GDPD4: variants seen among roughly 807,000 people sequenced by gnomAD.
GDPD4 encodes the protein glycerophosphodiester phosphodiesterase domain containing 4, also known as glycerophosphodiester phosphodiesterase 6.
Under a neutral mutation model 67.8 loss-of-function variants are expected in GDPD4, and 60 were observed. That is an observed-to-expected ratio of 0.88 (90% CI 0.72 to 1.10). GDPD4 has a LOEUF of 1.10. GDPD4 is among the 50% of genes least tolerant of loss of function. The probability of loss-of-function intolerance (pLI) is 0.00; values close to 1 mark genes in which losing one functional copy is unlikely to be tolerated. For missense variants in GDPD4, 623 were observed against 613.9 expected, an observed-to-expected ratio of 1.01 and a Z score of -0.16; for synonymous variants, 212 against 210.9, an observed-to-expected ratio of 1.00 and a Z score of -0.04.
chr11:77,224,818 T>A (rs768050898), intron 16 of GDPD4, among the ~76,000 whole-genome samples: 4 of 152,052 alleles, frequency 2.6e-5, no homozygotes, highest in Non-Finnish European at 5.9e-5. Flanking sequence ...AAAACTAATA[T>A]AGGCTGGGCA....
chr11:77,298,756 C>T (rs993254207), intron 1 of GDPD4, among the ~76,000 whole-genome samples: 1 of 151,944 alleles, frequency 6.6e-6, no homozygotes, highest in Non-Finnish European at 1.5e-5. Context: ...ACAGATGCCA[C>T]GCCCCCACCC....
intron 13 of GDPD4, among the ~76,000 whole-genome samples, chr11:77,235,124 T>C (rs1202417125): frequency 6.7e-6 from 1 of 149,050 alleles, no homozygotes; most frequent in Non-Finnish European, 1.5e-5. Flanking sequence ...TTAGTGATGC[T>C]GAGGATGTTT....
At chr11:77,265,736 A>G (rs1396906409) in intron 10 of GDPD4, among the ~76,000 whole-genome samples, 5 of 152,170 alleles carry the variant, frequency 3.3e-5, no homozygotes, top group African/African-American at 9.6e-5. Flanking sequence ...ATGTGCAGAC[A>G]TATCACCACC....
chr11:77,237,668 C>T (rs538538916), intron 13 of GDPD4, among the ~76,000 whole-genome samples: 6 of 152,282 alleles, frequency 3.9e-5, no homozygotes, highest in South Asian at 2.1e-4. Flanking sequence ...AGAAAATCCT[C>T]AAATGTTTAA....
Position 77,216,838 on chromosome 11 carries a change from T to C in GDPD4, c.*439A>G. 1 of 621,878 alleles carries C rather than the reference T, an allele frequency of 1.6e-6. No individual in the cohort carries two copies. The highest frequency in any genetic ancestry group is 2.9e-6 in the Non-Finnish European group (1 of 348,434). The allele number at this position is 621,878 out of a possible 1,614,324, so 38.5% of individuals were successfully genotyped here. A position where few individuals can be genotyped will look rare whatever the true frequency, so the allele number is the denominator to read the frequency against. On this transcript the variant is annotated 3_prime_UTR_variant, in exon 17 of 17. Coordinates refer to ENST00000315938, the MANE Select transcript of GDPD4 (RefSeq NM_182833.3). Reference sequence around the variant, plus strand: ...GCAGGGGAGATGTGGCTAATTCTTCTTTGGAAACACAGAAGGCTATGTCAG... The same window carrying C: ...GCAGGGGAGATGTGGCTAATTCTTCCTTGGAAACACAGAAGGCTATGTCAG...
At chr11:77,295,154 G>C (rs576186665) in intron 1 of GDPD4, among the ~76,000 whole-genome samples, 1 of 150,998 alleles carries the variant, frequency 6.6e-6, no homozygotes, top group Admixed American at 6.6e-5. Flanking sequence ...TGTTGTTTTT[G>C]TTTTTGTATT....
At chr11:77,236,572 G>T (rs921702423) in intron 13 of GDPD4, among the ~76,000 whole-genome samples, 4 of 152,102 alleles carry the variant, frequency 2.6e-5, no homozygotes, top group African/African-American at 9.7e-5. Flanking sequence ...TTATAAGGCG[G>T]CCAGTGTGGC....
chr11:77,273,787 A>C (rs1959326570), intron 5 of GDPD4, among the ~76,000 whole-genome samples: 2 of 152,216 alleles, frequency 1.3e-5, no homozygotes, highest in Non-Finnish European at 2.9e-5. Context: ...ATAATAAAAG[A>C]TTTATTAAGA....
Position 77,257,307 on chromosome 11 carries a change from G to A in GDPD4, c.864+1079C>T, listed in dbSNP as rs61018348. Among the ~76,000 whole-genome samples the A allele has an allele frequency of 2.1e-4, 32 of 152,226 alleles. No homozygotes were observed. In the East Asian group the frequency reaches 5.4e-3, roughly 26 times the overall value. ...CTAGTCATAAAATAAGCTAGAAAAC[G>A]TAGGTTGTTTTGTTTTCTTTAATCT... On this transcript the variant is annotated intron_variant, in intron 11 of 16. Coordinates refer to ENST00000315938, the MANE Select transcript of GDPD4 (RefSeq NM_182833.3).
chr11:77,236,190 T>C (rs979401521), intron 13 of GDPD4, among the ~76,000 whole-genome samples: 1 of 152,134 alleles, frequency 6.6e-6, no homozygotes, highest in Non-Finnish European at 1.5e-5. Flanking sequence ...TTTTCCTCCC[T>C]TTTTTTCTTG....
chr11:77,282,881 A>T (rs1030993256), intron 3 of GDPD4, among the ~76,000 whole-genome samples: 1 of 152,196 alleles, frequency 6.6e-6, no homozygotes, highest in Non-Finnish European at 1.5e-5. Flanking sequence ...TTTATAAGAG[A>T]AACTTCCAAA....
chr11:77,245,224 T>A, intron 12 of GDPD4, 57 bp downstream of exon 12: 2 of 1,314,692 alleles, frequency 1.5e-6, no homozygotes, highest in Non-Finnish European at 2.2e-6. Flanking sequence ...ACTACTGTGC[T>A]CCTAGGACAT....
At chr11:77,254,260 G>A (rs1421568735) in intron 11 of GDPD4, among the ~76,000 whole-genome samples, 1 of 152,128 alleles carries the variant, frequency 6.6e-6, no homozygotes, top group Non-Finnish European at 1.5e-5. Context: ...GGGCTGCTGG[G>A]ATCCTCTTGC....
rs1959192664 is a variant in GDPD4 at position 77,269,010 on chromosome 11, G to A, written c.538C>T (p.Pro180Ser). The A allele has an allele frequency of 2.5e-6, 4 of 1,613,684 alleles. No homozygotes were observed. In the South Asian group the frequency reaches 4.4e-5, roughly 18 times the overall value. The change falls in exon 9 of 17, where the codon CCA (proline) becomes TCA (serine). Residue 180 changes from proline (P) to serine (S), a missense_variant. Transcript: ENST00000315938. ...ATGCAGGGAGAATAAATCCCCAGTG[G>A]CATCAAATAGAGACCTAAAAGGATA... ...LLILLGLYLMPLGIYSPCIQE... is the reference protein window; with the variant it reads ...LLILLGLYLMSLGIYSPCIQE...
intron 10 of GDPD4, among the ~76,000 whole-genome samples, chr11:77,259,327 T>TA (rs1959067742): frequency 6.6e-6 from 1 of 152,160 alleles, no homozygotes; most frequent in African/African-American, 2.4e-5. Context: ...GATAGTATCA[T>TA]AAGGTAAGTT....
chr11:77,238,720 A>C (rs1958610295), intron 13 of GDPD4, among the ~76,000 whole-genome samples: 1 of 152,218 alleles, frequency 6.6e-6, no homozygotes, highest in Admixed American at 6.5e-5. Context: ...CGACAAAGAA[A>C]AGCCCAGGAC....
chr11:77,268,671 T>C (rs1432821328), intron 9 of GDPD4, 132 bp from the exon 10 acceptor site: 17 of 782,066 alleles, frequency 2.2e-5, no homozygotes, highest in Non-Finnish European at 1.3e-5. Flanking sequence ...TTTCAAAACC[T>C]GTATACCCTC....
chr11:77,282,767 T>C (rs1460938996), intron 3 of GDPD4, among the ~76,000 whole-genome samples: 7 of 151,864 alleles, frequency 4.6e-5, no homozygotes, highest in African/African-American at 1.5e-4. Flanking sequence ...GGATGTAAGC[T>C]CAAATAAAAT....
intron 6 of GDPD4, 30 bp downstream of exon 6, chr11:77,271,265 C>T: frequency 6.2e-7 from 1 of 1,606,696 alleles, no homozygotes; most frequent in Non-Finnish European, 8.5e-7. Flanking sequence ...ATCTAGACAG[C>T]TAGTGCTGGA....
Sources: gnomAD v4.1 joint callset for allele counts (sites outside exome capture counted in the v4.1 genomes callset) on GRCh38, gnomAD v4.1.1 for gene constraint, MANE v1.5 for transcripts, NCBI Gene and HGNC (gene_info 2026-07-23, HGNC 2026-07-21) for gene names.